Variants in UST observed in about 807,000 individuals in gnomAD.
UST encodes the protein uronyl 2-sulfotransferase, also known as chondroitin sulfate 2-O-sulfotransferase.
A neutral mutation model predicts 45.6 loss-of-function variants in UST; 21 were observed. The ratio of observed to expected loss-of-function variants is 0.46; its 90% CI spans 0.33 to 0.66. UST has a LOEUF of 0.66. Ranked by LOEUF, UST falls within the 30% of genes least tolerant of loss-of-function variation. UST has a pLI of 0.02. For synonymous variants in UST, 215 were observed against 200.6 expected (o/e 1.07, Z -0.61); for missense variants, 463 against 512.4 (o/e 0.90, Z 0.93).
intron 1 of UST, among the ~76,000 whole-genome samples, chr6:148,759,549 T>TA (rs888082350): frequency 5.4e-5 from 7 of 130,272 alleles, no homozygotes; most frequent in African/African-American, 1.7e-4. Context: ...TAAATAAAAA[T>TA]AAAAAAATAA....
intron 5 of UST, among the ~76,000 whole-genome samples, chr6:148,989,823 AG>A (rs1278884924): frequency 3.9e-5 from 6 of 152,254 alleles, no homozygotes; most frequent in Non-Finnish European, 8.8e-5. Context: ...GTCAGTGAGA[AG>A]TTACCAATTC....
At chr6:148,830,829 T>C (rs1035806223) in intron 1 of UST, among the ~76,000 whole-genome samples, 1 of 152,116 alleles carries the variant, frequency 6.6e-6, no homozygotes, top group African/African-American at 2.4e-5. Flanking sequence ...AGCTATTGTG[T>C]AATGTGTAGA....
Position 148,814,303 on chromosome 6 carries a change from G to T in UST, c.247+66626G>T, listed in dbSNP as rs184334771. Among the ~76,000 whole-genome samples the T allele has an allele frequency of 2.6e-5, 4 of 152,240 alleles. No individual in the cohort carries two copies. In the East Asian group the frequency reaches 7.7e-4, roughly 29 times the overall value. The stretch of plus-strand genomic sequence containing the variant: ...TACAAATAAACCTAACTGTGTGGGT[G>T]GTCCTTTCTCTGCCCCCTTCTGCTT... On this transcript the variant is annotated intron_variant, in intron 1 of 7. Coordinates refer to ENST00000367463, the MANE Select transcript of UST (RefSeq NM_005715.3).
At chr6:149,053,749 G>A (rs888405195) in intron 7 of UST, among the ~76,000 whole-genome samples, 3 of 152,184 alleles carry the variant, frequency 2.0e-5, no homozygotes, top group East Asian at 1.9e-4. Flanking sequence ...CTAATTTATC[G>A]AAGCACCGGG....
At chr6:148,943,441 A>G (rs1353295638) in intron 3 of UST, among the ~76,000 whole-genome samples, 1 of 152,252 alleles carries the variant, frequency 6.6e-6, no homozygotes, top group Non-Finnish European at 1.5e-5. Flanking sequence ...TTTGTTTCCT[A>G]TGAGGAGCAA....
intron 2 of UST, among the ~76,000 whole-genome samples, chr6:148,912,878 C>T (rs2114881492): frequency 6.6e-6 from 1 of 152,292 alleles, no homozygotes; most frequent in South Asian, 2.1e-4. Flanking sequence ...ATACAGGGTG[C>T]ACCTCAGTTG....
intron 1 of UST, among the ~76,000 whole-genome samples, chr6:148,841,511 T>C (rs1276251010): frequency 1.3e-5 from 2 of 152,130 alleles, no homozygotes; most frequent in East Asian, 3.8e-4. Context: ...AATTACTATT[T>C]AAAAATTTCA....
chr6:149,072,776 A>C (rs1431901010), intron 7 of UST, among the ~76,000 whole-genome samples: 1 of 152,230 alleles, frequency 6.6e-6, no homozygotes, highest in Non-Finnish European at 1.5e-5. Context: ...CACCTACATG[A>C]AGTACTGAGA....
At chr6:148,908,976 TTA>T (rs1187878387) in intron 2 of UST, among the ~76,000 whole-genome samples, 1 of 152,242 alleles carries the variant, frequency 6.6e-6, no homozygotes, top group Non-Finnish European at 1.5e-5. Context: ...AATCATCTAA[TTA>T]TTTACTGTTG....
At chr6:148,878,641 G>T (rs1377448195) in intron 1 of UST, among the ~76,000 whole-genome samples, 1 of 122,630 alleles carries the variant, frequency 8.2e-6, no homozygotes, top group Admixed American at 8.8e-5. Flanking sequence ...GATCGTGTAT[G>T]AGTGCGGGGG....
rs182487543 is a variant in UST at position 148,888,232 on chromosome 6, A to G, written c.291+1203A>G. ...GGGAGGTACCACACACTTTTAAACA[A>G]CCAGATCTCACAGGAACTCACTGTC... is the stretch of plus-strand genomic sequence containing the variant. On this transcript the variant is annotated intron_variant, in intron 2 of 7. Transcript: ENST00000367463. Among the ~76,000 whole-genome samples, 133 of 152,176 alleles carry G rather than the reference A, an allele frequency of 8.7e-4. 1 individual carries two copies. The highest frequency in any genetic ancestry group is 3.2e-3 in the African/African-American group (131 of 41,530).
chr6:149,033,752 CA>C (rs1197169744), intron 7 of UST, among the ~76,000 whole-genome samples: 1 of 152,206 alleles, frequency 6.6e-6, no homozygotes, highest in Non-Finnish European at 1.5e-5. Flanking sequence ...CAGACTCTAC[CA>C]GAACTGTTTT....
At chr6:148,949,725 G>A (rs953915351) in intron 3 of UST, among the ~76,000 whole-genome samples, 1 of 152,144 alleles carries the variant, frequency 6.6e-6, no homozygotes, top group South Asian at 2.1e-4. Flanking sequence ...TATTTGTGGG[G>A]TGTATGTTCT....
intron 2 of UST, among the ~76,000 whole-genome samples, chr6:148,927,995 C>T (rs1353938422): frequency 6.6e-6 from 1 of 152,204 alleles, no homozygotes; most frequent in Admixed American, 6.5e-5. Flanking sequence ...AGGGTACAGT[C>T]CCCAGTGAAG....
At chr6:148,959,514 G>T (rs936671140) in intron 4 of UST, among the ~76,000 whole-genome samples, 1 of 152,154 alleles carries the variant, frequency 6.6e-6, no homozygotes, top group African/African-American at 2.4e-5. Context: ...GGCTGGACTC[G>T]TCTTCCTAAA....
chr6:148,842,867 A>G, intron 1 of UST, among the ~76,000 whole-genome samples: 1 of 152,144 alleles, frequency 6.6e-6, no homozygotes, highest in East Asian at 1.9e-4. Context: ...GTGGGTTTAC[A>G]AACCACTCTG....
chr6:149,030,353 A>T (rs1463836912), intron 7 of UST, among the ~76,000 whole-genome samples: 1 of 152,176 alleles, frequency 6.6e-6, no homozygotes, highest in East Asian at 1.9e-4. Context: ...CTTAAAAATA[A>T]AATCTAGGCT....
chr6:148,777,117 C>T (rs535178744), intron 1 of UST, among the ~76,000 whole-genome samples: 11 of 152,314 alleles, frequency 7.2e-5, no homozygotes, highest in Admixed American at 7.2e-4. Flanking sequence ...GTTTCCTCTC[C>T]TGGAGACAGG....
intron 5 of UST, among the ~76,000 whole-genome samples, chr6:148,980,625 C>A (rs1211914710): frequency 1.3e-5 from 2 of 152,338 alleles, no homozygotes; most frequent in Admixed American, 6.5e-5. Context: ...AACGCTAATC[C>A]AACCAAGCTT....
Sources: gnomAD v4.1 joint callset for allele counts (sites outside exome capture counted in the v4.1 genomes callset) on GRCh38, gnomAD v4.1.1 for gene constraint, MANE v1.5 for transcripts, NCBI Gene and HGNC (gene_info 2026-07-23, HGNC 2026-07-21) for gene names.